The following HMBOX1 variants were observed in gnomAD, a reference collection of about 807,000 sequenced individuals.
The protein encoded by HMBOX1 is homeobox-containing protein 1.
In HMBOX1, 14 loss-of-function variants were observed where a neutral mutation model predicts 54.5. The ratio of observed to expected loss-of-function variants is 0.26; its 90% CI spans 0.17 to 0.40. The LOEUF is 0.40. HMBOX1 is among the 10% of genes least tolerant of loss of function. The pLI is 1.00. For missense variants in HMBOX1, 332 were observed against 514.4 expected, an observed-to-expected ratio of 0.65 and a Z score of 3.43; for synonymous variants, 160 against 181.0, an observed-to-expected ratio of 0.88 and a Z score of 0.93.
intron 6 of HMBOX1, chr8:29,042,708 T>G (rs1375764597): frequency 2.2e-6 from 1 of 456,026 alleles, no homozygotes; most frequent in Non-Finnish European, 4.4e-6. Flanking sequence ...GGTAGGAGAT[T>G]GGCTGGACAG....
At chr8:28,937,401 C>T (rs1053683496) in intron 1 of HMBOX1, among the ~76,000 whole-genome samples, 1 of 152,158 alleles carries the variant, frequency 6.6e-6, no homozygotes, top group African/African-American at 2.4e-5. Context: ...AACCCAAAGA[C>T]CTCCAATTCC....
At position 29,009,895 on chromosome 8, in the gene HMBOX1, G is replaced by A. The variant is rs187643588; in HGVS notation, c.697+713G>A. 2.2e-3 allele frequency: 2,466 copies of A among 1,119,398 alleles called. 6 individuals carry two copies. The highest frequency in any genetic ancestry group is 6.1e-3 in the Middle Eastern group (15 of 2,440). The allele number at this position is 1,119,398 out of a possible 1,614,324, so 69.3% of individuals were successfully genotyped here. On this transcript the variant is annotated intron_variant, in intron 5 of 9. Coordinates refer to ENST00000287701, the MANE Select transcript of HMBOX1 (RefSeq NM_001135726.3). ...ACTTTACACAGGCAAGTGACAGTGA[G>A]CCTGCCCTCATGTGTAAATTTAAGA...
chr8:29,042,681 G>C (rs548917635), intron 6 of HMBOX1: 28 of 456,232 alleles, frequency 6.1e-5, no homozygotes, highest in African/African-American at 5.2e-4. Context: ...AAAATAAATG[G>C]AAGTTGCTTT....
chr8:29,018,998 A>C, intron 6 of HMBOX1, 85 bp downstream of exon 6: 1 of 1,231,466 alleles, frequency 8.1e-7, no homozygotes, highest in South Asian at 1.4e-5. Flanking sequence ...TTTCATTTCA[A>C]ACAAGTAACT....
rs1041226454 is a variant in HMBOX1 at position 28,962,547 on chromosome 8, C to G, written c.-57-1264C>G. ...AGGATCCCCTTCTAGATCATCTACT[C>G]CTCACACATACTGTGTTAAAGGCCA... is the stretch of plus-strand genomic sequence containing the variant. On this transcript the variant is annotated intron_variant, in intron 1 of 9. Coordinates refer to ENST00000287701, the MANE Select transcript of HMBOX1 (RefSeq NM_001135726.3). Among the ~76,000 whole-genome samples, 12 of 152,178 alleles carry G rather than the reference C, an allele frequency of 7.9e-5. 1 individual carries two copies. In the South Asian group the frequency reaches 2.5e-3, roughly 31 times the overall value.
chr8:28,989,129 G>A (rs562316878), intron 4 of HMBOX1, among the ~76,000 whole-genome samples: 26 of 152,094 alleles, frequency 1.7e-4, no homozygotes, highest in Middle Eastern at 3.4e-3. Flanking sequence ...AAAATTAGCC[G>A]GGCATGGTGG....
At chr8:28,947,504 CTGA>C (rs1308891613) in intron 1 of HMBOX1, among the ~76,000 whole-genome samples, 1 of 152,194 alleles carries the variant, frequency 6.6e-6, no homozygotes, top group Non-Finnish European at 1.5e-5. Context: ...AGTAAATTGA[CTGA>C]TGATGCATCA....
At chr8:28,936,629 T>C (rs966177196) in intron 1 of HMBOX1, among the ~76,000 whole-genome samples, 9 of 152,012 alleles carry the variant, frequency 5.9e-5, no homozygotes, top group Admixed American at 2.6e-4. Flanking sequence ...TCATGTCAAA[T>C]GAGATGAACT....
intron 1 of HMBOX1, among the ~76,000 whole-genome samples, chr8:28,898,910 A>T (rs948037913): frequency 2.0e-5 from 3 of 152,184 alleles, no homozygotes; most frequent in African/African-American, 7.2e-5. Context: ...TATGAGGCTT[A>T]AGCTTTTAGA....
chr8:28,989,817 A>G (rs1830714543), intron 4 of HMBOX1, among the ~76,000 whole-genome samples: 1 of 152,180 alleles, frequency 6.6e-6, no homozygotes, highest in African/African-American at 2.4e-5. Flanking sequence ...TAATCATATC[A>G]AGTCTTAGTC....
At position 28,973,803 on chromosome 8, in the gene HMBOX1, G is replaced by GT. The variant is rs71222583; in HGVS notation, c.500+3315dup. 1.5e-4 allele frequency among the ~76,000 whole-genome samples: 11 copies of GT among 72,658 alleles called. 2 individuals are homozygous for GT. Among genetic ancestry groups the GT allele is most frequent in the South Asian group, 7.7e-4 (1 of 1,300 alleles). 47.7% of individuals were successfully genotyped at this position (72,658 alleles called of 152,430 possible). A position where few individuals can be genotyped will look rare whatever the true frequency, so the allele number is the denominator to read the frequency against. On this transcript the variant is annotated intron_variant, in intron 3 of 9. Transcript: ENST00000287701. ...TAATAATTTCGAGATACATAATGGA[G>GT]TTTTTTTTTTTTTTTTTTTTTTTTT...
intron 9 of HMBOX1, chr8:29,049,596 G>A (rs1457242365): frequency 3.3e-6 from 2 of 597,914 alleles, no homozygotes; most frequent in African/African-American, 1.8e-5. Flanking sequence ...TCTCATAAGT[G>A]CAATACCTGC....
At chr8:29,044,764 A>C (rs1434386030) in intron 6 of HMBOX1, among the ~76,000 whole-genome samples, 1 of 152,228 alleles carries the variant, frequency 6.6e-6, no homozygotes, top group Admixed American at 6.5e-5. Context: ...GAAATATGTC[A>C]TAAACATCCC....
intron 2 of HMBOX1, among the ~76,000 whole-genome samples, chr8:28,967,486 A>T (rs573071416): frequency 6.6e-6 from 1 of 152,336 alleles, no homozygotes; most frequent in South Asian, 2.1e-4. Flanking sequence ...CTTTATGCTA[A>T]TACAGAGTGC....
At chr8:28,944,277 TTTA>T (rs1483357731) in intron 1 of HMBOX1, among the ~76,000 whole-genome samples, 1 of 152,190 alleles carries the variant, frequency 6.6e-6, no homozygotes, top group Non-Finnish European at 1.5e-5. Context: ...AACAAGCATT[TTTA>T]TTATTAAGTG....
At chr8:28,998,395 T>C (rs1211118968) in intron 4 of HMBOX1, among the ~76,000 whole-genome samples, 1 of 152,180 alleles carries the variant, frequency 6.6e-6, no homozygotes, top group Non-Finnish European at 1.5e-5. Context: ...CCTTTTATTA[T>C]GTCTTATTTT....
chr8:29,003,049 C>T (rs897293383), intron 4 of HMBOX1, among the ~76,000 whole-genome samples: 2 of 150,986 alleles, frequency 1.3e-5, no homozygotes, highest in Non-Finnish European at 2.9e-5. Context: ...CATGCTTATA[C>T]TACGGTTAGA....
intron 1 of HMBOX1, among the ~76,000 whole-genome samples, chr8:28,933,098 G>A (rs1208694109): frequency 1.3e-5 from 2 of 152,052 alleles, no homozygotes; most frequent in African/African-American, 4.8e-5. Flanking sequence ...ATGGAAAGAA[G>A]GGGAAAGTCA....
In HMBOX1 at chr8:28,963,804, T is replaced by C; in HGVS notation, c.-57-7T>C. 1.5e-6 allele frequency: 2 copies of C among 1,329,352 alleles called. No homozygotes were observed. Among genetic ancestry groups the C allele is most frequent in the Admixed American group, 2.1e-5 (1 of 48,592 alleles). 82.3% of individuals were successfully genotyped at this position (1,329,352 alleles called of 1,614,324 possible). A position where few individuals can be genotyped will look rare whatever the true frequency, so the allele number is the denominator to read the frequency against. On this transcript the variant is annotated splice_region_variant and splice_polypyrimidine_tract_variant and intron_variant, in intron 1 of 9. Transcript: ENST00000287701. Reference sequence around the variant, plus strand: ...ATGTTTCTCAATTTTCTATCTTTGTTCTACAGAATGGTAGATAACGCAGAT... The same window carrying C: ...ATGTTTCTCAATTTTCTATCTTTGTCCTACAGAATGGTAGATAACGCAGAT...
Sources: gnomAD v4.1 joint callset for allele counts (sites outside exome capture counted in the v4.1 genomes callset) on GRCh38, gnomAD v4.1.1 for gene constraint, MANE v1.5 for transcripts, NCBI Gene and HGNC (gene_info 2026-07-23, HGNC 2026-07-21) for gene names.